CDC42BPA: variants seen among roughly 807,000 people sequenced by gnomAD.
CDC42BPA encodes CDC42 binding protein kinase alpha.
In CDC42BPA, 80 loss-of-function variants were observed where a neutral mutation model predicts 223.5. The ratio of observed to expected loss-of-function variants is 0.36; its 90% CI spans 0.30 to 0.43. The LOEUF is 0.43. Ranked by LOEUF, CDC42BPA falls within the 20% of genes least tolerant of loss-of-function variation. The probability of loss-of-function intolerance (pLI) is 1.00; values close to 1 mark genes in which losing one functional copy is unlikely to be tolerated. For synonymous variants in CDC42BPA, 694 were observed against 718.6 expected, an observed-to-expected ratio of 0.97 and a Z score of 0.55; for missense variants, 1,743 against 2,099.9, an observed-to-expected ratio of 0.83 and a Z score of 3.32.
chr1:227,288,705 A>T (rs1376845118), intron 1 of CDC42BPA, among the ~76,000 whole-genome samples: 1 of 151,998 alleles, frequency 6.6e-6, no homozygotes. Context: ...CAAAAAAAAA[A>T]TTTTTAAGGC....
intron 1 of CDC42BPA, among the ~76,000 whole-genome samples, chr1:227,311,073 A>G (rs1693456991): frequency 6.6e-6 from 1 of 152,174 alleles, no homozygotes; most frequent in Admixed American, 6.5e-5. Flanking sequence ...CAAAAATCAC[A>G]CGAAGTGCAG....
chr1:227,298,976 G>A (rs905988593), intron 1 of CDC42BPA, among the ~76,000 whole-genome samples: 27 of 152,092 alleles, frequency 1.8e-4, no homozygotes, highest in African/African-American at 6.3e-4. Flanking sequence ...TTTCACAAAT[G>A]GACAGCTGTA....
At chr1:227,202,873 T>A (rs192139048) in intron 3 of CDC42BPA, among the ~76,000 whole-genome samples, 2 of 151,944 alleles carry the variant, frequency 1.3e-5, no homozygotes, top group African/African-American at 4.8e-5. Flanking sequence ...GAGGCTGAAG[T>A]GAGCTATGAT....
At chr1:227,171,608 T>A (rs1187626774) in intron 5 of CDC42BPA, among the ~76,000 whole-genome samples, 1 of 151,292 alleles carries the variant, frequency 6.6e-6, no homozygotes, top group Non-Finnish European at 1.5e-5. Context: ...CAGAGCAAGA[T>A]CCTGTCTCAA....
At chr1:227,253,646 A>ACATT (rs1297125019) in intron 2 of CDC42BPA, among the ~76,000 whole-genome samples, 1 of 116,758 alleles carries the variant, frequency 8.6e-6, no homozygotes, top group African/African-American at 3.3e-5. Context: ...ATACATACAT[A>ACATT]CATTCATACA....
intron 5 of CDC42BPA, among the ~76,000 whole-genome samples, chr1:227,170,503 A>T (rs1452747975): frequency 1.3e-5 from 2 of 152,020 alleles, no homozygotes; most frequent in Admixed American, 1.3e-4. Flanking sequence ...ATTAGTCACT[A>T]TAGTGTTTCA....
chr1:227,018,809 G>A (rs959539684), intron 32 of CDC42BPA, among the ~76,000 whole-genome samples: 1 of 152,096 alleles, frequency 6.6e-6, no homozygotes, highest in Non-Finnish European at 1.5e-5. Context: ...TGTTAAGTGT[G>A]CAACAGTACG....
chr1:227,093,421 C>T (rs1011138968), intron 15 of CDC42BPA, among the ~76,000 whole-genome samples: 4 of 152,094 alleles, frequency 2.6e-5, no homozygotes, highest in Admixed American at 6.5e-5. Context: ...ATGAGAAATG[C>T]GAGCCCCTTT....
intron 1 of CDC42BPA, among the ~76,000 whole-genome samples, chr1:227,267,532 A>G (rs779180425): frequency 4.6e-5 from 7 of 152,234 alleles, no homozygotes; most frequent in Non-Finnish European, 7.3e-5. Context: ...GAATATCTAT[A>G]CCCATCAGAC....
chr1:227,201,671 G>GCACA (rs772323383), intron 3 of CDC42BPA, among the ~76,000 whole-genome samples: 22 of 124,062 alleles, frequency 1.8e-4, no homozygotes, highest in East Asian at 1.7e-3. Flanking sequence ...ATGTGCACGT[G>GCACA]CACACACATA....
At chr1:227,266,913 A>T (rs538425735) in intron 1 of CDC42BPA, among the ~76,000 whole-genome samples, 2 of 152,328 alleles carry the variant, frequency 1.3e-5, no homozygotes, top group South Asian at 4.1e-4. Context: ...GTTGGCCCTT[A>T]AATACTCAAA....
intron 34 of CDC42BPA, among the ~76,000 whole-genome samples, chr1:227,006,895 C>T (rs778791515): frequency 2.6e-5 from 4 of 151,874 alleles, no homozygotes; most frequent in African/African-American, 7.3e-5. Context: ...GCCAAGATCA[C>T]GCCACTGCAC....
intron 30 of CDC42BPA, 150 bp downstream of exon 30, chr1:227,028,507 A>G: frequency 1.9e-6 from 1 of 525,674 alleles, no homozygotes; most frequent in East Asian, 3.0e-5. Context: ...TGGTTTTTAC[A>G]TCAACAACAT....
At chr1:227,059,515 T>C in intron 21 of CDC42BPA, 4 of 1,035,702 alleles carry the variant, frequency 3.9e-6, no homozygotes, top group Non-Finnish European at 5.8e-6. Context: ...AACATACATA[T>C]AAAGCCACAG....
intron 21 of CDC42BPA, among the ~76,000 whole-genome samples, chr1:227,057,925 C>A (rs936187243): frequency 1.3e-5 from 2 of 152,048 alleles, no homozygotes; most frequent in East Asian, 3.8e-4. Flanking sequence ...ATGAGAGAAA[C>A]AAATCCTAAA....
intron 5 of CDC42BPA, among the ~76,000 whole-genome samples, chr1:227,169,860 A>G (rs1344247194): frequency 2.6e-5 from 4 of 152,196 alleles, no homozygotes; most frequent in Non-Finnish European, 4.4e-5. Flanking sequence ...GCCCAGAAGG[A>G]CCTCATTCAG....
intron 2 of CDC42BPA, chr1:227,234,398 C>T (rs1259861894): frequency 6.6e-6 from 1 of 152,188 alleles, no homozygotes; most frequent in Non-Finnish European, 1.5e-5. Context: ...AAATGTCTAA[C>T]AATTAAAAAG....
At chr1:227,253,780 A>G (rs113818730) in intron 2 of CDC42BPA, among the ~76,000 whole-genome samples, 3 of 152,300 alleles carry the variant, frequency 2.0e-5, no homozygotes, top group East Asian at 1.9e-4. Context: ...ACAGACCAAC[A>G]GAACAAAAGA....
chr1:227,148,070 A>C (rs1244558693), intron 6 of CDC42BPA, among the ~76,000 whole-genome samples: 1 of 152,214 alleles, frequency 6.6e-6, no homozygotes, highest in African/African-American at 2.4e-5. Context: ...TTAAAAAACT[A>C]TAAAAGAAGA....
Sources: gnomAD v4.1 joint callset for allele counts (sites outside exome capture counted in the v4.1 genomes callset) on GRCh38, gnomAD v4.1.1 for gene constraint, MANE v1.5 for transcripts, NCBI Gene and HGNC (gene_info 2026-07-23, HGNC 2026-07-21) for gene names.